The following TENM3 variants were observed in gnomAD, a reference collection of about 807,000 sequenced individuals.
The protein encoded by TENM3 is teneurin-3.
A neutral mutation model predicts 255.1 loss-of-function variants in TENM3; 63 were observed. That is an observed-to-expected ratio of 0.25 (90% CI 0.20 to 0.30). TENM3 has a LOEUF of 0.30. Ranked by LOEUF, TENM3 falls within the 10% of genes least tolerant of loss-of-function variation. TENM3 has a pLI of 1.00. For synonymous variants in TENM3, 1,306 were observed against 1,322.3 expected (o/e 0.99, Z 0.27); for missense variants, 2,929 against 3,461.1 (o/e 0.85, Z 3.86).
chr4:182,491,389 A>ATGTGTGTGTG (rs147076817), intron 3 of TENM3, among the ~76,000 whole-genome samples: 7,428 of 150,872 alleles, frequency 0.049, 401 homozygotes, highest in African/African-American at 0.14. Context: ...AGTGAAATTT[A>ATGTGTGTGTG]TGTGTGTGTG....
chr4:182,306,697 C>G lies in TENM3; in HGVS notation c.-75-17249C>G, dbSNP rs1762154267. Among the ~76,000 whole-genome samples, 8 of 152,074 alleles carry G rather than the reference C, an allele frequency of 5.3e-5. 1 individual carries two copies. Among genetic ancestry groups the G allele is most frequent in the Admixed American group, 5.2e-4 (8 of 15,252 alleles). On this transcript the variant is annotated intron_variant, in intron 1 of 27. Transcript: ENST00000511685. ...CCAATAACATAATGGTAGATTGTGTCAAGAATATGCTCTTCATCTGCCTAG... is the reference window on the plus strand; with the variant it reads ...CCAATAACATAATGGTAGATTGTGTGAAGAATATGCTCTTCATCTGCCTAG...
intron 1 of TENM3, among the ~76,000 whole-genome samples, chr4:182,165,373 C>A (rs1751635093): frequency 6.6e-6 from 1 of 152,162 alleles, no homozygotes; most frequent in Non-Finnish European, 1.5e-5. Context: ...TTTTATTTGA[C>A]CCATGTTCAC....
the TENM3 span, among the ~76,000 whole-genome samples, chr4:181,620,260 CAAAATA>C: frequency 4.3e-5 from 6 of 140,886 alleles, no homozygotes; most frequent in Admixed American, 7.7e-5. Flanking sequence ...AACTCTATCT[CAAAATA>C]AAAATAAAAA....
chr4:181,690,483 G>A, the TENM3 span, among the ~76,000 whole-genome samples: 4 of 152,036 alleles, frequency 2.6e-5, no homozygotes, highest in African/African-American at 9.7e-5. Context: ...TTTTTTTAAT[G>A]GACATATAAG....
chr4:182,269,779 T>C (rs1759490825), intron 1 of TENM3, among the ~76,000 whole-genome samples: 1 of 152,152 alleles, frequency 6.6e-6, no homozygotes, highest in East Asian at 1.9e-4. Flanking sequence ...TAAAGAGGTT[T>C]ATTCTGAGCC....
At chr4:181,532,987 C>T in the TENM3 span, among the ~76,000 whole-genome samples, 2 of 151,986 alleles carry the variant, frequency 1.3e-5, no homozygotes, top group Admixed American at 1.3e-4. Context: ...CTCTATAACC[C>T]CTTTATAAAC....
At chr4:182,590,974 A>T (rs1031842247) in intron 3 of TENM3, among the ~76,000 whole-genome samples, 3 of 152,160 alleles carry the variant, frequency 2.0e-5, no homozygotes, top group African/African-American at 7.2e-5. Flanking sequence ...CTTTTGGCTT[A>T]TTCTTTCTTT....
chr4:182,326,903 G>A (rs1300939833), intron 2 of TENM3, among the ~76,000 whole-genome samples: 1 of 152,124 alleles, frequency 6.6e-6, no homozygotes, highest in East Asian at 1.9e-4. Flanking sequence ...TGAGCAAACT[G>A]TAGGCATATT....
the TENM3 span, among the ~76,000 whole-genome samples, chr4:181,951,258 G>T: frequency 6.6e-6 from 1 of 151,872 alleles, no homozygotes; most frequent in Non-Finnish European, 1.5e-5. Flanking sequence ...CAAGTTCATT[G>T]AACAAAAACT....
the TENM3 span, among the ~76,000 whole-genome samples, chr4:181,506,683 T>C: frequency 1.3e-5 from 2 of 151,484 alleles, no homozygotes; most frequent in African/African-American, 2.4e-5. Context: ...ATCTCAGGGA[T>C]TGAAGGACCA....
chr4:181,478,950 A>G, the TENM3 span, among the ~76,000 whole-genome samples: 3 of 152,210 alleles, frequency 2.0e-5, no homozygotes, highest in African/African-American at 7.2e-5. Context: ...CATATAAATA[A>G]GTAATGCTTT....
chr4:181,781,785 T>A, the TENM3 span, among the ~76,000 whole-genome samples: 2 of 152,188 alleles, frequency 1.3e-5, no homozygotes, highest in Admixed American at 6.5e-5. Flanking sequence ...TATTTTGAGA[T>A]ACATCCCATC....
At chr4:182,353,942 G>A (rs1488888990) in intron 3 of TENM3, among the ~76,000 whole-genome samples, 2 of 150,760 alleles carry the variant, frequency 1.3e-5, no homozygotes, top group African/African-American at 4.9e-5. Flanking sequence ...TCCAGCCTGG[G>A]CAACAACAGG....
At chr4:182,559,127 A>ATTTT (rs70956518) in intron 3 of TENM3, among the ~76,000 whole-genome samples, 5 of 107,482 alleles carry the variant, frequency 4.7e-5, no homozygotes, top group African/African-American at 1.2e-4. Flanking sequence ...ATTCCTCGGG[A>ATTTT]TTTTTTTTTT....
chr4:181,507,044 A>G, the TENM3 span, among the ~76,000 whole-genome samples: 1 of 152,208 alleles, frequency 6.6e-6, no homozygotes, highest in African/African-American at 2.4e-5. Flanking sequence ...GTATTTTTCC[A>G]GTTTGATTCT....
the TENM3 span, among the ~76,000 whole-genome samples, chr4:181,881,750 A>G: frequency 1.3e-5 from 2 of 152,198 alleles, no homozygotes; most frequent in Admixed American, 6.5e-5. Flanking sequence ...AGTGCCAGAT[A>G]TTAACCCTTG....
intron 3 of TENM3, among the ~76,000 whole-genome samples, chr4:182,586,575 A>G (rs539604216): frequency 1.3e-5 from 2 of 152,340 alleles, no homozygotes; most frequent in South Asian, 4.1e-4. Flanking sequence ...AGCTTCATCT[A>G]TGATTCTATT....
intron 19 of TENM3, chr4:182,744,050 A>T: frequency 1.3e-6 from 1 of 754,598 alleles, no homozygotes; most frequent in Non-Finnish European, 1.6e-6. Context: ...AAATCTCAGA[A>T]TTCAACTCAT....
chr4:182,714,402 T>TC (rs1313641139), intron 13 of TENM3, among the ~76,000 whole-genome samples, 169 bp downstream of exon 13: 2 of 150,892 alleles, frequency 1.3e-5, no homozygotes, highest in African/African-American at 2.4e-5. Context: ...GATTTTGCTC[T>TC]CCATTTTTCC....
Sources: allele counts gnomAD v4.1 joint callset (sites outside exome capture counted in the v4.1 genomes callset), GRCh38; gene constraint gnomAD v4.1.1; transcripts MANE v1.5; gene names NCBI Gene and HGNC (gene_info 2026-07-23, HGNC 2026-07-21).